EDIL3: variants seen among roughly 807,000 people sequenced by gnomAD.
The protein encoded by EDIL3 is EGF like and discoidin domains 3.
A neutral mutation model predicts 67.4 loss-of-function variants in EDIL3; 37 were observed. The ratio of observed to expected loss-of-function variants is 0.55; its 90% CI spans 0.42 to 0.72. The LOEUF is 0.72. Among genes scored for constraint, EDIL3 ranks in the 30% least tolerant of loss-of-function variants. The pLI is 0.00. For synonymous variants in EDIL3, 195 were observed against 196.3 expected, an observed-to-expected ratio of 0.99 and a Z score of 0.05; for missense variants, 527 against 586.3, an observed-to-expected ratio of 0.90 and a Z score of 1.04.
At chr5:84,087,472 C>A (rs1444604424) in intron 6 of EDIL3, among the ~76,000 whole-genome samples, 1 of 152,152 alleles carries the variant, frequency 6.6e-6, no homozygotes, top group African/African-American at 2.4e-5. Flanking sequence ...ATCCAGAGAA[C>A]AGGTAATGTG....
chr5:84,048,892 T>C (rs1025699385), intron 9 of EDIL3, among the ~76,000 whole-genome samples: 1 of 152,164 alleles, frequency 6.6e-6, no homozygotes, highest in Non-Finnish European at 1.5e-5. Flanking sequence ...TCACAATTAA[T>C]AGCATGATCA....
rs1041521547 is a variant in EDIL3 at position 84,117,307 on chromosome 5, A to G, written c.470-10477T>C. 5.9e-5 allele frequency among the ~76,000 whole-genome samples: 9 copies of G among 152,022 alleles called. No individual in the cohort carries two copies. In the East Asian group the frequency reaches 7.8e-4, roughly 13 times the overall value. On this transcript the variant is annotated intron_variant, in intron 5 of 10. Transcript: ENST00000296591. ...GGCCTCCCAAAGTGCTGGGATTACA[A>G]GCGTGAGCCACCGCGCCCGGCCAAG...
chr5:84,366,117 A>G (rs1381646735), intron 1 of EDIL3, among the ~76,000 whole-genome samples: 2 of 152,106 alleles, frequency 1.3e-5, no homozygotes, highest in African/African-American at 4.8e-5. Context: ...ATTTTGCCAA[A>G]AAGTAAAAAA....
chr5:84,203,948 C>T (rs374099042), intron 3 of EDIL3, among the ~76,000 whole-genome samples: 20 of 152,242 alleles, frequency 1.3e-4, no homozygotes, highest in East Asian at 9.6e-4. Context: ...AAGTGATCAA[C>T]GGTTCTTGCA....
At chr5:84,260,202 T>C (rs906906456) in intron 1 of EDIL3, among the ~76,000 whole-genome samples, 10 of 152,148 alleles carry the variant, frequency 6.6e-5, no homozygotes, top group Non-Finnish European at 1.5e-4. Context: ...AACAGGCTGA[T>C]GAGAAAAACA....
intron 1 of EDIL3, among the ~76,000 whole-genome samples, chr5:84,313,895 G>A (rs1459998100): frequency 6.6e-6 from 1 of 152,064 alleles, no homozygotes; most frequent in African/African-American, 2.4e-5. Flanking sequence ...TGCGGTAGTG[G>A]AGAAAGAAAT....
chr5:84,009,011 C>T (rs1041330004), intron 9 of EDIL3, among the ~76,000 whole-genome samples: 1 of 152,098 alleles, frequency 6.6e-6, no homozygotes, highest in African/African-American at 2.4e-5. Flanking sequence ...GGGAGTCTCA[C>T]TATGTTGCCC....
chr5:84,380,847 C>T lies in EDIL3; in HGVS notation c.67+3461G>A, dbSNP rs1748060987. On this transcript the variant is annotated intron_variant, in intron 1 of 10. Coordinates refer to ENST00000296591, the MANE Select transcript of EDIL3 (RefSeq NM_005711.5). ...AGTGACCATGCTACTTTATTTTAGT[C>T]ATGTATATCTTATTCCTTCCCTTTA... Among the ~76,000 whole-genome samples the T allele has an allele frequency of 4.6e-5, 7 of 152,006 alleles. No homozygotes were observed. In the South Asian group the frequency reaches 1.5e-3, roughly 32 times the overall value.
At chr5:84,358,397 A>G (rs1031226961) in intron 1 of EDIL3, among the ~76,000 whole-genome samples, 2 of 152,194 alleles carry the variant, frequency 1.3e-5, no homozygotes, top group South Asian at 2.1e-4. Context: ...CCTTTTTGCT[A>G]TTGCTTTCAT....
At chr5:83,991,347 T>A (rs1246513850) in intron 9 of EDIL3, among the ~76,000 whole-genome samples, 1 of 152,192 alleles carries the variant, frequency 6.6e-6, no homozygotes, top group African/African-American at 2.4e-5. Context: ...AATAGTTAAA[T>A]CTTTTTTAAT....
intron 4 of EDIL3, among the ~76,000 whole-genome samples, chr5:84,145,704 T>C (rs1748280402): frequency 6.6e-6 from 1 of 152,112 alleles, no homozygotes; most frequent in African/African-American, 2.4e-5. Context: ...TCGAAATGTA[T>C]ATAGACTTCC....
chr5:84,102,768 G>A (rs559913812), intron 6 of EDIL3, among the ~76,000 whole-genome samples: 18 of 152,056 alleles, frequency 1.2e-4, no homozygotes, highest in African/African-American at 3.9e-4. Flanking sequence ...TTGTGGATAC[G>A]AAGAATCAAA....
intron 2 of EDIL3, among the ~76,000 whole-genome samples, chr5:84,243,977 TAAAC>T (rs1056617437): frequency 6.6e-6 from 1 of 152,230 alleles, no homozygotes; most frequent in Non-Finnish European, 1.5e-5. Context: ...TGATATATGT[TAAAC>T]AATAAGTTGT....
intron 3 of EDIL3, among the ~76,000 whole-genome samples, chr5:84,210,760 T>A (rs773776369): frequency 6.6e-6 from 1 of 152,210 alleles, no homozygotes; most frequent in Non-Finnish European, 1.5e-5. Flanking sequence ...GTATGGTATC[T>A]ATCCTTTTTC....
At chr5:84,016,758 T>C (rs1580280895) in intron 9 of EDIL3, among the ~76,000 whole-genome samples, 1 of 152,272 alleles carries the variant, frequency 6.6e-6, no homozygotes, top group African/African-American at 2.4e-5. Context: ...TATGTAAACA[T>C]TCCAAAATCC....
chr5:84,077,488 T>C (rs1442286175), intron 6 of EDIL3, among the ~76,000 whole-genome samples: 2 of 152,176 alleles, frequency 1.3e-5, no homozygotes, highest in Admixed American at 1.3e-4. Context: ...AGGGCTCACA[T>C]GGCAGAAGGC....
intron 9 of EDIL3, among the ~76,000 whole-genome samples, chr5:83,978,319 A>T (rs1744908403): frequency 6.6e-6 from 1 of 151,952 alleles, no homozygotes; most frequent in African/African-American, 2.4e-5. Context: ...TCCTTAATAA[A>T]AAACAATTTT....
intron 1 of EDIL3, 69 bp downstream of exon 1, chr5:84,384,239 C>G: frequency 6.5e-7 from 1 of 1,550,194 alleles, no homozygotes; most frequent in Non-Finnish European, 8.7e-7. Context: ...CCTCCGGCCC[C>G]CTGCGCGGCG....
At chr5:84,333,015 T>G (rs1178972506) in intron 1 of EDIL3, among the ~76,000 whole-genome samples, 2 of 152,148 alleles carry the variant, frequency 1.3e-5, no homozygotes, top group African/African-American at 2.4e-5. Flanking sequence ...ATTCTATTTG[T>G]TTAATTTCAA....
Sources: allele counts gnomAD v4.1 joint callset (sites outside exome capture counted in the v4.1 genomes callset), GRCh38; gene constraint gnomAD v4.1.1; transcripts MANE v1.5; gene names NCBI Gene and HGNC (gene_info 2026-07-23, HGNC 2026-07-21).